SPATA6: variants seen among roughly 807,000 people sequenced by gnomAD.
SPATA6 encodes spermatogenesis-associated protein 6.
In SPATA6, 56 loss-of-function variants were observed where a neutral mutation model predicts 65.3. The observed-to-expected ratio is 0.86, with a 90% CI of 0.69 to 1.07. The LOEUF (loss-of-function observed/expected upper bound fraction) is 1.07. SPATA6 is among the 50% of genes least tolerant of loss of function. The pLI is 0.00. For synonymous variants in SPATA6, 199 were observed against 213.2 expected (o/e 0.93, Z 0.58); for missense variants, 590 against 594.8 (o/e 0.99, Z 0.08).
intron 6 of SPATA6, 146 bp from the exon 7 acceptor site, chr1:48,399,790 G>A: frequency 1.5e-6 from 1 of 681,362 alleles, no homozygotes. Context: ...GCTGATCCTG[G>A]GATAAGTCAA....
chr1:48,415,551 A>G (rs1652683744), intron 3 of SPATA6, among the ~76,000 whole-genome samples: 1 of 152,116 alleles, frequency 6.6e-6, no homozygotes, highest in Non-Finnish European at 1.5e-5. Context: ...TGAACTCACT[A>G]TTAGATGGGA....
intron 3 of SPATA6, among the ~76,000 whole-genome samples, chr1:48,439,110 G>A (rs1333624169): frequency 6.6e-6 from 1 of 152,070 alleles, no homozygotes; most frequent in Admixed American, 6.5e-5. Flanking sequence ...TTATAAGACA[G>A]GAGAAAGGTC....
At chr1:48,412,447 AATG>A (rs1488166007) in intron 4 of SPATA6, among the ~76,000 whole-genome samples, 2 of 152,234 alleles carry the variant, frequency 1.3e-5, no homozygotes, top group Non-Finnish European at 2.9e-5. Flanking sequence ...AATATTTTAG[AATG>A]ATAAGTTAGT....
the SPATA6 span, among the ~76,000 whole-genome samples, chr1:48,277,773 A>C: frequency 6.6e-6 from 1 of 152,198 alleles, no homozygotes; most frequent in Non-Finnish European, 1.5e-5. Context: ...ACAAAAAGAC[A>C]GCAGTAACCT....
chr1:48,313,349 G>A (rs551517769), intron 11 of SPATA6, among the ~76,000 whole-genome samples: 10 of 152,262 alleles, frequency 6.6e-5, no homozygotes, highest in Admixed American at 1.3e-4. Context: ...TGATCTCTTG[G>A]CAGAAACTCT....
Position 48,445,873 on chromosome 1 carries a change from C to A in SPATA6, c.238+5679G>T, listed in dbSNP as rs370160211. ...GAAGATGTGAGGCCTGAGACCACTG[C>A]AATTTTGCTACTATAAATTTTGCTG... On this transcript the variant is annotated intron_variant, in intron 3 of 12. Coordinates refer to ENST00000371847, the MANE Select transcript of SPATA6 (RefSeq NM_019073.4). 1.1e-4 allele frequency among the ~76,000 whole-genome samples: 17 copies of A among 152,014 alleles called. No homozygotes were observed. The East Asian group carries it at 3.3e-3, about 29-fold the overall frequency.
At chr1:48,440,197 T>C (rs1179133033) in intron 3 of SPATA6, among the ~76,000 whole-genome samples, 1 of 152,104 alleles carries the variant, frequency 6.6e-6, no homozygotes, top group Non-Finnish European at 1.5e-5. Flanking sequence ...CCCTTCAAGC[T>C]GTAGGGGGAG....
At chr1:48,340,080 T>C (rs1363310416) in intron 11 of SPATA6, among the ~76,000 whole-genome samples, 1 of 151,454 alleles carries the variant, frequency 6.6e-6, no homozygotes, top group Non-Finnish European at 1.5e-5. Context: ...CTCAACAAAA[T>C]GATGGAAGAT....
the SPATA6 span, among the ~76,000 whole-genome samples, chr1:48,265,504 T>C: frequency 1.3e-5 from 2 of 152,012 alleles, no homozygotes; most frequent in Non-Finnish European, 2.9e-5. Flanking sequence ...TCAAGGTATT[T>C]TTGCCTGTTT....
intron 3 of SPATA6, among the ~76,000 whole-genome samples, chr1:48,415,836 A>G (rs753160933): frequency 6.6e-6 from 1 of 152,192 alleles, no homozygotes; most frequent in East Asian, 1.9e-4. Context: ...GTCAGAGAAG[A>G]GCAAGGAGAA....
chr1:48,286,615 C>G, the SPATA6 span, among the ~76,000 whole-genome samples: 2 of 152,124 alleles, frequency 1.3e-5, no homozygotes, highest in Non-Finnish European at 2.9e-5. Flanking sequence ...AATTTTATAT[C>G]ATCCTTCCAA....
At chr1:48,402,520 C>G (rs1466043672) in intron 6 of SPATA6, 1 of 152,180 alleles carries the variant, frequency 6.6e-6, no homozygotes, top group Non-Finnish European at 1.5e-5. Context: ...GCTCTAAAAG[C>G]TGTGTTTCAG....
At chr1:48,344,451 G>A (rs997566611) in intron 11 of SPATA6, 2 of 152,094 alleles carry the variant, frequency 1.3e-5, no homozygotes, top group African/African-American at 4.8e-5. Flanking sequence ...TCACAGACCA[G>A]TGACTCTATA....
the SPATA6 span, among the ~76,000 whole-genome samples, chr1:48,277,817 G>A: frequency 6.6e-6 from 1 of 152,232 alleles, no homozygotes; most frequent in Non-Finnish European, 1.5e-5. Flanking sequence ...TGACAGCTTT[G>A]AAGAGAGCAG....
chr1:48,360,375 G>T (rs1646777758), intron 9 of SPATA6, among the ~76,000 whole-genome samples: 1 of 152,126 alleles, frequency 6.6e-6, no homozygotes, highest in South Asian at 2.1e-4. Flanking sequence ...GTGCTGATGG[G>T]TGCGATGGAA....
chr1:48,463,533 A>G (rs1426712624), intron 1 of SPATA6, among the ~76,000 whole-genome samples: 1 of 152,202 alleles, frequency 6.6e-6, no homozygotes, highest in Non-Finnish European at 1.5e-5. Flanking sequence ...GTTAAACAGC[A>G]ACTGGAAGCA....
chr1:48,316,380 A>G lies in SPATA6; in HGVS notation c.1195-10502T>C, dbSNP rs570043836. Reference sequence around the variant, plus strand: ...ACAGAGCCCTCAGAAATAATGCCGCATATCTACAACTATCTGATCTTTGAC... The same window carrying G: ...ACAGAGCCCTCAGAAATAATGCCGCGTATCTACAACTATCTGATCTTTGAC... On this transcript the variant is annotated intron_variant, in intron 11 of 12. Transcript: ENST00000371847. Among the ~76,000 whole-genome samples, 122 of 152,314 alleles carry G rather than the reference A, an allele frequency of 8.0e-4. 1 individual carries two copies. Among genetic ancestry groups the G allele is most frequent in the African/African-American group, 2.8e-3 (118 of 41,566 alleles).
At chr1:48,322,237 T>C (rs1363712869) in intron 11 of SPATA6, among the ~76,000 whole-genome samples, 1 of 151,584 alleles carries the variant, frequency 6.6e-6, no homozygotes, top group Non-Finnish European at 1.5e-5. Context: ...ATGAACAAAG[T>C]AGAACAGAGG....
chr1:48,395,021 CAT>C (rs1192053618), intron 8 of SPATA6, among the ~76,000 whole-genome samples: 2 of 151,800 alleles, frequency 1.3e-5, no homozygotes, highest in Non-Finnish European at 2.9e-5. Flanking sequence ...CATTTTTTAA[CAT>C]GTTAATATAT....
Sources: allele counts gnomAD v4.1 joint callset (sites outside exome capture counted in the v4.1 genomes callset), GRCh38; gene constraint gnomAD v4.1.1; transcripts MANE v1.5; gene names NCBI Gene and HGNC (gene_info 2026-07-23, HGNC 2026-07-21).